IL1RAPL2: variants seen among roughly 807,000 people sequenced by gnomAD.
IL1RAPL2 encodes interleukin 1 receptor accessory protein like 2.
In IL1RAPL2, 3 loss-of-function variants were observed where a neutral mutation model predicts 44.1. The ratio of observed to expected loss-of-function variants is 0.07; its 90% CI spans 0.03 to 0.18. The LOEUF (loss-of-function observed/expected upper bound fraction) is 0.18. Among genes scored for constraint, IL1RAPL2 ranks in the 10% least tolerant of loss-of-function variants. The probability of loss-of-function intolerance (pLI) is 1.00; values close to 1 mark genes in which losing one functional copy is unlikely to be tolerated. For missense variants in IL1RAPL2, 391 were observed against 496.4 expected (o/e 0.79, Z 2.02); for synonymous variants, 181 against 178.8 (o/e 1.01, Z -0.10).
At position 105,153,464 on chromosome X, in the gene IL1RAPL2, T is replaced by C. The variant is rs185895211; in HGVS notation, c.83-42011T>C. ...AGACTCAAGCACTCTGACTTTAGTT[T>C]TGTAAAGCAAAAAATATCCGAGACA... On this transcript the variant is annotated intron_variant, in intron 2 of 10. Coordinates refer to ENST00000372582, the MANE Select transcript of IL1RAPL2 (RefSeq NM_017416.2). Among the ~76,000 whole-genome samples the C allele has an allele frequency of 1.3e-4, 14 of 111,705 alleles. No homozygotes were observed. The East Asian group carries it at 3.4e-3, about 27-fold the overall frequency.
chrX:105,603,845 A>G (rs2037272785), intron 6 of IL1RAPL2, among the ~76,000 whole-genome samples: 1 of 112,161 alleles, frequency 8.9e-6, no homozygotes, highest in Admixed American at 9.5e-5. Flanking sequence ...AAAGCTAGAA[A>G]TAACTAACAA....
In IL1RAPL2 at chrX:105,250,814, A is replaced by G. The variant is rs188941413; in HGVS notation, c.544-16574A>G. Among the ~76,000 whole-genome samples, 556 of 111,219 alleles carry G rather than the reference A, an allele frequency of 5.0e-3. 3 individuals carry two copies. Among genetic ancestry groups the G allele is most frequent in the African/African-American group, 0.017 (536 of 30,795 alleles). On this transcript the variant is annotated intron_variant, in intron 4 of 10. Transcript: ENST00000372582. ...GCATTCATGAGAGGGGACATATTCT[A>G]TGAGTTGCTATCATTTACTACAAAA...
intron 5 of IL1RAPL2, among the ~76,000 whole-genome samples, chrX:105,317,714 ACT>A (rs905236606): frequency 7.2e-5 from 8 of 110,348 alleles, no homozygotes; most frequent in African/African-American, 2.6e-4. Context: ...AGACTCAAAG[ACT>A]CTCTGAAGTG....
At chrX:105,677,892 A>ATATT (rs1427251689) in intron 6 of IL1RAPL2, among the ~76,000 whole-genome samples, 1 of 112,017 alleles carries the variant, frequency 8.9e-6, no homozygotes, top group Non-Finnish European at 1.9e-5. Flanking sequence ...ATTCTACCAC[A>ATATT]TATTAGCCTA....
intron 6 of IL1RAPL2, among the ~76,000 whole-genome samples, chrX:105,565,485 A>T (rs1186621325): frequency 8.9e-6 from 1 of 112,046 alleles, no homozygotes; most frequent in Non-Finnish European, 1.9e-5. Context: ...ATCTACCACC[A>T]GTGGCCCATT....
chrX:104,682,953 CT>C (rs929234499), intron 2 of IL1RAPL2, among the ~76,000 whole-genome samples: 10 of 111,564 alleles, frequency 9.0e-5, no homozygotes, highest in Admixed American at 8.6e-4. Context: ...AATGTGACTG[CT>C]TCTTGCTCTT....
At chrX:105,385,142 G>A (rs1357998380) in intron 5 of IL1RAPL2, among the ~76,000 whole-genome samples, 1 of 111,131 alleles carries the variant, frequency 9.0e-6, no homozygotes, top group African/African-American at 3.3e-5. Context: ...CTATAGCTAT[G>A]TTGAATAAAA....
intron 6 of IL1RAPL2, among the ~76,000 whole-genome samples, chrX:105,673,517 C>T (rs1454035864): frequency 1.8e-5 from 2 of 111,818 alleles, no homozygotes; most frequent in African/African-American, 6.5e-5. Flanking sequence ...TTTATGGCTG[C>T]ATAGTATTCC....
chrX:104,679,906 A>G (rs952860526), intron 2 of IL1RAPL2, among the ~76,000 whole-genome samples: 4 of 111,919 alleles, frequency 3.6e-5, no homozygotes, highest in Non-Finnish European at 7.5e-5. Context: ...CAACCTTTAC[A>G]TTGTCAAGGA....
chrX:105,231,357 T>C (rs149528361), intron 3 of IL1RAPL2, among the ~76,000 whole-genome samples: 1 of 111,485 alleles, frequency 9.0e-6, no homozygotes, highest in Non-Finnish European at 1.9e-5. Context: ...ACCTGCAAAT[T>C]ATCCGGGTCA....
chrX:105,084,818 AATCTC>A (rs1264718682), intron 2 of IL1RAPL2, among the ~76,000 whole-genome samples: 1 of 111,716 alleles, frequency 9.0e-6, no homozygotes, highest in African/African-American at 3.3e-5. Flanking sequence ...TCTCCATCCA[AATCTC>A]ATCTCAAGTT....
intron 2 of IL1RAPL2, among the ~76,000 whole-genome samples, chrX:105,184,439 TAAC>T (rs1453406018): frequency 4.8e-5 from 5 of 103,726 alleles, no homozygotes; most frequent in Admixed American, 1.1e-4. Flanking sequence ...ATACATTATA[TAAC>T]AACATAAAAT....
At chrX:104,606,189 C>T (rs1383929061) in intron 1 of IL1RAPL2, among the ~76,000 whole-genome samples, 12 of 111,831 alleles carry the variant, frequency 1.1e-4, no homozygotes, top group African/African-American at 3.9e-4. Context: ...TAAACATAAT[C>T]CATCACATAA....
intron 5 of IL1RAPL2, among the ~76,000 whole-genome samples, chrX:105,351,238 A>T (rs1359502879): frequency 9.0e-6 from 1 of 111,669 alleles, no homozygotes; most frequent in African/African-American, 3.3e-5. Context: ...ACCTAGAACC[A>T]GAAATCCAGA....
At chrX:105,603,079 T>A (rs1007842193) in intron 6 of IL1RAPL2, among the ~76,000 whole-genome samples, 1 of 108,477 alleles carries the variant, frequency 9.2e-6, no homozygotes, top group African/African-American at 3.4e-5. Context: ...AAACCACCAA[T>A]CCACAAAGAT....
intron 2 of IL1RAPL2, among the ~76,000 whole-genome samples, chrX:105,014,286 G>T (rs1313229458): frequency 9.0e-6 from 1 of 110,806 alleles, no homozygotes. Flanking sequence ...TCTTAAAACT[G>T]TATATGTTCC....
intron 6 of IL1RAPL2, among the ~76,000 whole-genome samples, chrX:105,705,308 T>TA (rs894894673): frequency 2.7e-5 from 3 of 111,303 alleles, no homozygotes; most frequent in East Asian, 2.8e-4. Flanking sequence ...AGGCCAAAGA[T>TA]AAAAAAATAC....
In IL1RAPL2 at chrX:104,825,302, G is replaced by A. The variant is rs138144845; in HGVS notation, c.82+166307G>A. Among the ~76,000 whole-genome samples the A allele has an allele frequency of 1.4e-3, 156 of 111,933 alleles. No homozygotes were observed. The East Asian group carries it at 0.021, about 15-fold the overall frequency. On this transcript the variant is annotated intron_variant, in intron 2 of 10. Transcript: ENST00000372582. ...ATGAGCTCTCCCTCTTTGAGAGGCC[G>A]CTAACAGTGCAGCCCTGCTAGGGCC...
intron 5 of IL1RAPL2, among the ~76,000 whole-genome samples, chrX:105,383,964 T>C: frequency 8.9e-6 from 1 of 112,075 alleles, no homozygotes; most frequent in Middle Eastern, 4.6e-3. Context: ...ATTATTTGTG[T>C]TTTTTGCTAT....
Sources: allele counts gnomAD v4.1 joint callset (sites outside exome capture counted in the v4.1 genomes callset), GRCh38; gene constraint gnomAD v4.1.1; transcripts MANE v1.5; gene names NCBI Gene and HGNC (gene_info 2026-07-23, HGNC 2026-07-21).